RIMS2: variants seen among roughly 807,000 people sequenced by gnomAD.
The protein encoded by RIMS2 is regulating synaptic membrane exocytosis 2.
In RIMS2, 59 loss-of-function variants were observed where a neutral mutation model predicts 174.4. The observed-to-expected ratio is 0.34, with a 90% CI of 0.27 to 0.42. RIMS2 has a LOEUF of 0.42. RIMS2 is among the 10% of genes least tolerant of loss of function. The probability of loss-of-function intolerance (pLI) is 1.00; values close to 1 mark genes in which losing one functional copy is unlikely to be tolerated. For missense variants in RIMS2, 1,620 were observed against 1,666.3 expected, an observed-to-expected ratio of 0.97 and a Z score of 0.48; for synonymous variants, 606 against 572.5, an observed-to-expected ratio of 1.06 and a Z score of -0.84.
At chr8:103,755,423 C>A (rs981088286) in intron 2 of RIMS2, among the ~76,000 whole-genome samples, 2 of 152,042 alleles carry the variant, frequency 1.3e-5, no homozygotes, top group Non-Finnish European at 2.9e-5. Context: ...TTGCTCTTCT[C>A]GAGCAGTATC....
chr8:103,910,842 A>G (rs2154527166), intron 5 of RIMS2, among the ~76,000 whole-genome samples: 2 of 152,354 alleles, frequency 1.3e-5, no homozygotes, highest in South Asian at 2.1e-4. Context: ...TAAAAACCAC[A>G]AATAATAAAT....
intron 20 of RIMS2, among the ~76,000 whole-genome samples, chr8:104,246,444 A>C (rs781637514): frequency 3.3e-5 from 5 of 152,226 alleles, no homozygotes. Flanking sequence ...GAGATACAGC[A>C]GTGAACAAAG....
intron 3 of RIMS2, among the ~76,000 whole-genome samples, chr8:103,863,850 C>A (rs1026679823): frequency 2.0e-5 from 3 of 149,340 alleles, no homozygotes; most frequent in African/African-American, 7.4e-5. Flanking sequence ...ATCTAACTAG[C>A]AGTGTATCAA....
intron 4 of RIMS2, among the ~76,000 whole-genome samples, chr8:103,889,910 G>T (rs2099232646): frequency 1.3e-5 from 2 of 151,842 alleles, no homozygotes; most frequent in Non-Finnish European, 2.9e-5. Context: ...CAGTTTTGGA[G>T]TAAAAGAGGA....
At chr8:103,511,174 G>A (rs1478857657) in intron 1 of RIMS2, among the ~76,000 whole-genome samples, 1 of 152,146 alleles carries the variant, frequency 6.6e-6, no homozygotes, top group East Asian at 1.9e-4. Context: ...TAGGTGGAGG[G>A]ACTGGGGGCA....
chr8:103,592,717 A>G (rs2094319403), intron 1 of RIMS2, among the ~76,000 whole-genome samples: 2 of 151,420 alleles, frequency 1.3e-5, no homozygotes, highest in Admixed American at 1.3e-4. Context: ...CAATGCAGGT[A>G]AAACACAAGA....
chr8:103,558,680 C>T (rs2090998637), intron 1 of RIMS2, among the ~76,000 whole-genome samples: 1 of 151,772 alleles, frequency 6.6e-6, no homozygotes, highest in South Asian at 2.1e-4. Flanking sequence ...ATTTTTCCTC[C>T]TTTGAGATTG....
chr8:104,089,171 G>T (rs2097587591), intron 19 of RIMS2, among the ~76,000 whole-genome samples: 1 of 151,922 alleles, frequency 6.6e-6, no homozygotes, highest in South Asian at 2.1e-4. Context: ...TGGTTAACAG[G>T]CCATTCATTG....
At chr8:103,511,761 T>C (rs1239932413) in intron 1 of RIMS2, among the ~76,000 whole-genome samples, 1 of 152,196 alleles carries the variant, frequency 6.6e-6, no homozygotes, top group Admixed American at 6.5e-5. Flanking sequence ...CCAGTCTTGA[T>C]AGAAACTATA....
At chr8:103,700,398 TTCTCTCTG>T (rs984868966) in intron 2 of RIMS2, among the ~76,000 whole-genome samples, 5 of 151,876 alleles carry the variant, frequency 3.3e-5, no homozygotes, top group African/African-American at 4.8e-5. Flanking sequence ...TACTCTCTCT[TTCTCTCTG>T]TCTCTCTGTC....
chr8:103,701,782 C>T (rs770615380), intron 2 of RIMS2, among the ~76,000 whole-genome samples: 26 of 151,960 alleles, frequency 1.7e-4, no homozygotes, highest in African/African-American at 3.1e-4. Flanking sequence ...TTTTTAGGGC[C>T]GAATAATATT....
At chr8:104,045,182 A>G (rs1030223076) in intron 19 of RIMS2, among the ~76,000 whole-genome samples, 4 of 151,822 alleles carry the variant, frequency 2.6e-5, no homozygotes, top group Non-Finnish European at 5.9e-5. Flanking sequence ...TACTTCACTA[A>G]TATATTTGGT....
chr8:104,093,830 A>C (rs926968610), intron 19 of RIMS2, among the ~76,000 whole-genome samples, 187 bp downstream of exon 24: 27 of 152,064 alleles, frequency 1.8e-4, no homozygotes, highest in Non-Finnish European at 1.5e-5. Context: ...GCACAGAAGA[A>C]AATGTTATGA....
chr8:104,101,272 A>G (rs994412649), intron 19 of RIMS2, among the ~76,000 whole-genome samples: 4 of 151,530 alleles, frequency 2.6e-5, no homozygotes, highest in Admixed American at 6.6e-5. Context: ...GATTACAGGC[A>G]TGTGCCACCA....
intron 19 of RIMS2, among the ~76,000 whole-genome samples, chr8:104,230,652 A>G (rs959604796): frequency 6.6e-6 from 1 of 152,290 alleles, no homozygotes; most frequent in South Asian, 2.1e-4. Context: ...TCTCAAAAAA[A>G]TAAAAATGAA....
chr8:104,203,311 A>G (rs73301384), intron 19 of RIMS2, among the ~76,000 whole-genome samples: 3,789 of 152,174 alleles, frequency 0.025, 139 homozygotes, highest in African/African-American at 0.08. Flanking sequence ...TTAAAATAGT[A>G]AATTTCTTAA....
intron 4 of RIMS2, among the ~76,000 whole-genome samples, chr8:103,899,110 C>T (rs1489729097): frequency 6.6e-6 from 1 of 151,802 alleles, no homozygotes; most frequent in Non-Finnish European, 1.5e-5. Context: ...TTTTCTTAAA[C>T]CAGTCTATCA....
In RIMS2 at chr8:103,743,596, T is replaced by C. The variant is rs573102537; in HGVS notation, c.388-22631T>C. Among the ~76,000 whole-genome samples, 20 of 152,242 alleles carry C rather than the reference T, an allele frequency of 1.3e-4. No homozygotes were observed. In the East Asian group the frequency reaches 1.9e-3, roughly 15 times the overall value. On this transcript the variant is annotated intron_variant, in intron 2 of 23. Transcript: ENST00000504942. ...CTTATGATTTTATTGATATCACAGA[T>C]TCTTTTGTTTACATTTATATTGTAA...
chr8:104,147,739 TG>T (rs2133935665), intron 19 of RIMS2, among the ~76,000 whole-genome samples: 1 of 152,316 alleles, frequency 6.6e-6, no homozygotes, highest in South Asian at 2.1e-4. Context: ...CCTAGGTTTA[TG>T]GGGGCTAGCT....
Sources: allele counts gnomAD v4.1 joint callset (sites outside exome capture counted in the v4.1 genomes callset), GRCh38; gene constraint gnomAD v4.1.1; transcripts MANE v1.5; gene names NCBI Gene and HGNC (gene_info 2026-07-23, HGNC 2026-07-21).